The following SLC71A2 variants were observed in gnomAD, a reference collection of about 807,000 sequenced individuals.
SLC71A2 encodes the protein solute carrier family 71 member 2.
the SLC71A2 span, among the ~76,000 whole-genome samples, chr9:94,436,249 C>G: frequency 6.6e-6 from 1 of 152,152 alleles, no homozygotes; most frequent in Non-Finnish European, 1.5e-5. Flanking sequence ...GAGATTTAAA[C>G]TAGTTGCATG....
chr9:94,398,580 C>T, the SLC71A2 span, among the ~76,000 whole-genome samples: 1 of 152,038 alleles, frequency 6.6e-6, no homozygotes, highest in Non-Finnish European at 1.5e-5. Context: ...ATCTTGTCTC[C>T]TGCTAAATCA....
chr9:94,452,400 C>A, the SLC71A2 span, among the ~76,000 whole-genome samples: 1 of 151,978 alleles, frequency 6.6e-6, no homozygotes, highest in African/African-American at 2.4e-5. Context: ...CGTTCCAGAC[C>A]AGCTTGGCCA....
the SLC71A2 span, chr9:94,440,896 C>T: frequency 2.4e-5 from 17 of 718,056 alleles, no homozygotes; most frequent in South Asian, 1.4e-4. Flanking sequence ...TTTCTTGGTG[C>T]GTAATCTTTA....
chr9:94,459,328 G>A, the SLC71A2 span: 5 of 1,614,160 alleles, frequency 3.1e-6, no homozygotes, highest in Middle Eastern at 3.3e-4. Context: ...GCAGTGATGA[G>A]GACATTGAGC....
chr9:94,456,193 C>T, the SLC71A2 span: 94 of 1,367,412 alleles, frequency 6.9e-5, 1 homozygote, highest in Admixed American at 1.4e-4. Context: ...ATAGTGAGCT[C>T]CTTGAGGTTG....
chr9:94,416,037 A>G, the SLC71A2 span, among the ~76,000 whole-genome samples: 1 of 152,210 alleles, frequency 6.6e-6, no homozygotes, highest in Non-Finnish European at 1.5e-5. Context: ...ATTTCTTCAG[A>G]GGTGGTATTG....
chr9:94,408,044 A>G, the SLC71A2 span, among the ~76,000 whole-genome samples: 2 of 152,216 alleles, frequency 1.3e-5, no homozygotes, highest in East Asian at 3.9e-4. Flanking sequence ...CCAAAAGCAC[A>G]AGAGGACTGT....
At chr9:94,453,891 C>CA in the SLC71A2 span, 2 of 1,102,436 alleles carry the variant, frequency 1.8e-6, no homozygotes, top group African/African-American at 3.1e-5. Context: ...GGTCTTCACA[C>CA]ACAGAGCTTG....
the SLC71A2 span, among the ~76,000 whole-genome samples, chr9:94,440,534 T>G: frequency 6.6e-6 from 1 of 152,028 alleles, no homozygotes; most frequent in Non-Finnish European, 1.5e-5. Flanking sequence ...AAACTGGGTT[T>G]TTAAAAAAAG....
the SLC71A2 span, among the ~76,000 whole-genome samples, chr9:94,413,494 T>C: frequency 6.6e-6 from 1 of 151,796 alleles, no homozygotes; most frequent in South Asian, 2.1e-4. Context: ...CAGTATTCGA[T>C]TGGTTAAAAT....
chr9:94,450,496 T>TC, the SLC71A2 span, among the ~76,000 whole-genome samples: 4 of 134,722 alleles, frequency 3.0e-5, no homozygotes, highest in Non-Finnish European at 3.1e-5. Flanking sequence ...AATGTAACTT[T>TC]TTTTTTTTTT....
chr9:94,455,378 A>ATTTTTTTTTTTTTTTTTT, the SLC71A2 span, among the ~76,000 whole-genome samples: 3 of 85,780 alleles, frequency 3.5e-5, no homozygotes, highest in South Asian at 4.4e-4. Context: ...TAATATTCTG[A>ATTTTTTTTTTTTTTTTTT]TTTTTTTTTT....
the SLC71A2 span, among the ~76,000 whole-genome samples, chr9:94,388,637 C>T: frequency 2.0e-5 from 3 of 151,834 alleles, no homozygotes; most frequent in African/African-American, 7.3e-5. Context: ...GGCTACACAA[C>T]TTTTATCACA....
the SLC71A2 span, among the ~76,000 whole-genome samples, chr9:94,447,261 C>A: frequency 6.6e-6 from 1 of 151,622 alleles, no homozygotes; most frequent in Admixed American, 6.6e-5. Context: ...CTCACTGCAA[C>A]CTCTACCTTC....
the SLC71A2 span, among the ~76,000 whole-genome samples, chr9:94,445,580 G>A: frequency 2.0e-5 from 3 of 152,140 alleles, no homozygotes; most frequent in Admixed American, 1.3e-4. Context: ...GACCAGAGAC[G>A]TTTAATTTGT....
chr9:94,379,197 C>T, the SLC71A2 span, among the ~76,000 whole-genome samples: 1 of 151,096 alleles, frequency 6.6e-6, no homozygotes, highest in Non-Finnish European at 1.5e-5. Context: ...AGCGATTCTC[C>T]TGCCTCAGCC....
At chr9:94,398,591 C>T in the SLC71A2 span, among the ~76,000 whole-genome samples, 3 of 151,970 alleles carry the variant, frequency 2.0e-5, no homozygotes, top group East Asian at 1.9e-4. Context: ...TGCTAAATCA[C>T]GGAGGTTTGG....
chr9:94,383,682 C>T, the SLC71A2 span, among the ~76,000 whole-genome samples: 2 of 152,086 alleles, frequency 1.3e-5, no homozygotes, highest in African/African-American at 4.8e-5. Flanking sequence ...CTGGCAATTT[C>T]CACAAGAAAG....
At chr9:94,452,507 G>T in the SLC71A2 span, among the ~76,000 whole-genome samples, 1 of 151,922 alleles carries the variant, frequency 6.6e-6, no homozygotes, top group Non-Finnish European at 1.5e-5. Context: ...TGAGGCAGGA[G>T]AATCGCTTGA....
Sources: gnomAD v4.1 joint callset for allele counts (sites outside exome capture counted in the v4.1 genomes callset) on GRCh38, gnomAD v4.1.1 for gene constraint, MANE v1.5 for transcripts, NCBI Gene and HGNC (gene_info 2026-07-23, HGNC 2026-07-21) for gene names.